AGMO: variants seen among roughly 807,000 people sequenced by gnomAD.
AGMO encodes alkylglycerol monooxygenase.
Under a neutral mutation model 60.2 loss-of-function variants are expected in AGMO, and 75 were observed. The observed-to-expected ratio is 1.25, with a 90% CI of 1.03 to 1.51. The LOEUF (loss-of-function observed/expected upper bound fraction) is 1.51. Ranked by LOEUF, AGMO falls within the 40% of genes most tolerant of loss-of-function variation. The pLI, the probability that AGMO is intolerant of heterozygous loss-of-function variation, is 0.00. For missense variants in AGMO, 763 were observed against 525.5 expected, an observed-to-expected ratio of 1.45 and a Z score of -4.42; for synonymous variants, 261 against 177.1, an observed-to-expected ratio of 1.47 and a Z score of -3.76.
At chr7:15,344,926 T>A (rs915932122) in intron 12 of AGMO, among the ~76,000 whole-genome samples, 5 of 152,204 alleles carry the variant, frequency 3.3e-5, no homozygotes, top group Non-Finnish European at 5.9e-5. Context: ...GTTGTTTTCT[T>A]GAGATGCAAA....
At chr7:15,437,254 A>G (rs926877287) in intron 3 of AGMO, among the ~76,000 whole-genome samples, 19 of 152,172 alleles carry the variant, frequency 1.2e-4, no homozygotes, top group African/African-American at 4.3e-4. Flanking sequence ...TTCACTTCCT[A>G]TAGCAGCAAA....
chr7:15,265,932 T>C lies in AGMO; in HGVS notation c.1264-64573A>G, dbSNP rs1380195318. Among the ~76,000 whole-genome samples, 11 of 152,248 alleles carry C rather than the reference T, an allele frequency of 7.2e-5. No homozygotes were observed. In the South Asian group the frequency reaches 1.0e-3, roughly 14 times the overall value. ...AGCGAAATATGGTATACACATACAATAGAATATTATTCAGCTTTAAAAAGG... is the reference window on the plus strand; with the variant it reads ...AGCGAAATATGGTATACACATACAACAGAATATTATTCAGCTTTAAAAAGG... On this transcript the variant is annotated intron_variant, in intron 12 of 12. Transcript: ENST00000342526.
At chr7:15,244,134 A>C (rs1782672625) in intron 12 of AGMO, among the ~76,000 whole-genome samples, 1 of 152,026 alleles carries the variant, frequency 6.6e-6, no homozygotes, top group Non-Finnish European at 1.5e-5. Context: ...AGAGTTAAGA[A>C]AGAAGGGAAA....
chr7:15,549,222 G>A (rs1282069401), intron 2 of AGMO, among the ~76,000 whole-genome samples: 5 of 143,404 alleles, frequency 3.5e-5, no homozygotes, highest in African/African-American at 1.3e-4. Context: ...ATGCCAAAAT[G>A]TAAAGACCAT....
At chr7:15,394,805 AATC>A (rs970066545) in intron 5 of AGMO, among the ~76,000 whole-genome samples, 5 of 152,172 alleles carry the variant, frequency 3.3e-5, no homozygotes, top group Admixed American at 2.6e-4. Context: ...TAGAATCCTA[AATC>A]ATCTCTTACC....
At chr7:15,292,750 CCTT>C (rs1189397502) in intron 12 of AGMO, among the ~76,000 whole-genome samples, 10 of 123,260 alleles carry the variant, frequency 8.1e-5, no homozygotes, top group Non-Finnish European at 1.4e-4. Context: ...CTTTTTTTTT[CCTT>C]TTTTTTTTTT....
chr7:15,401,272 A>C (rs1784546109), intron 5 of AGMO, among the ~76,000 whole-genome samples: 1 of 152,148 alleles, frequency 6.6e-6, no homozygotes, highest in East Asian at 1.9e-4. Flanking sequence ...TTTTATATAC[A>C]ATTAACTTAT....
At chr7:15,137,759 G>C in the AGMO span, among the ~76,000 whole-genome samples, 1 of 151,872 alleles carries the variant, frequency 6.6e-6, no homozygotes, top group Non-Finnish European at 1.5e-5. Context: ...TGTCACCATA[G>C]GTAAGGGAAT....
chr7:15,310,791 C>T (rs1003225303), intron 12 of AGMO, among the ~76,000 whole-genome samples: 2 of 152,036 alleles, frequency 1.3e-5, no homozygotes, highest in African/African-American at 2.4e-5. Flanking sequence ...CCTCACTGTT[C>T]GAAAATCAAG....
At chr7:15,404,388 G>A (rs1784630464) in intron 5 of AGMO, among the ~76,000 whole-genome samples, 1 of 151,720 alleles carries the variant, frequency 6.6e-6, no homozygotes, top group Non-Finnish European at 1.5e-5. Flanking sequence ...TAACACTTTT[G>A]GTTTCTACTT....
intron 10 of AGMO, among the ~76,000 whole-genome samples, chr7:15,381,304 A>G (rs566787413): frequency 2.6e-5 from 4 of 152,300 alleles, no homozygotes; most frequent in African/African-American, 9.6e-5. Flanking sequence ...AATATCAAGC[A>G]TCTATAGGAA....
At chr7:15,181,618 A>AT in the AGMO span, among the ~76,000 whole-genome samples, 1 of 152,126 alleles carries the variant, frequency 6.6e-6, no homozygotes, top group East Asian at 1.9e-4. Context: ...GGTTCAATAT[A>AT]TTATATATAT....
intron 12 of AGMO, among the ~76,000 whole-genome samples, chr7:15,245,312 C>A (rs913193416): frequency 5.3e-5 from 8 of 152,118 alleles, no homozygotes; most frequent in African/African-American, 1.9e-4. Flanking sequence ...TCCCTGAGGT[C>A]TGGGAATAAT....
intron 12 of AGMO, among the ~76,000 whole-genome samples, chr7:15,216,326 G>C (rs1781735906): frequency 6.6e-6 from 1 of 151,976 alleles, no homozygotes; most frequent in Admixed American, 6.6e-5. Context: ...GCTTTCCTGG[G>C]GAATTGTTAA....
chr7:15,362,042 T>A (rs1307730075), intron 12 of AGMO, among the ~76,000 whole-genome samples: 1 of 152,164 alleles, frequency 6.6e-6, no homozygotes, highest in African/African-American at 2.4e-5. Flanking sequence ...AGTGTCCTTA[T>A]AGTACAATCA....
At chr7:15,163,403 C>A in the AGMO span, among the ~76,000 whole-genome samples, 2 of 151,966 alleles carry the variant, frequency 1.3e-5, no homozygotes, top group Non-Finnish European at 2.9e-5. Context: ...TGTTCCAGTT[C>A]TTAGGGGGAA....
chr7:15,350,089 C>A (rs1013788221), intron 12 of AGMO, among the ~76,000 whole-genome samples: 1 of 152,098 alleles, frequency 6.6e-6, no homozygotes, highest in Non-Finnish European at 1.5e-5. Context: ...AATTAAGTGG[C>A]TTTCCTCACA....
intron 4 of AGMO, among the ~76,000 whole-genome samples, chr7:15,422,466 A>G (rs1780952510): frequency 6.6e-6 from 1 of 152,134 alleles, no homozygotes; most frequent in South Asian, 2.1e-4. Context: ...TTTCTATAAA[A>G]CTAGAGGTAA....
At chr7:15,287,582 A>G (rs981716157) in intron 12 of AGMO, among the ~76,000 whole-genome samples, 3 of 152,210 alleles carry the variant, frequency 2.0e-5, no homozygotes, top group Admixed American at 2.0e-4. Context: ...AAATTTACAA[A>G]CAAAATATTT....
Sources: gnomAD v4.1 joint callset for allele counts (sites outside exome capture counted in the v4.1 genomes callset) on GRCh38, gnomAD v4.1.1 for gene constraint, MANE v1.5 for transcripts, NCBI Gene and HGNC (gene_info 2026-07-23, HGNC 2026-07-21) for gene names.